The following GALNT18 variants were observed in gnomAD, a reference collection of about 807,000 sequenced individuals.
GALNT18 encodes the protein polypeptide N-acetylgalactosaminyltransferase 18, also known as GalNAc-transferase 18.
A neutral mutation model predicts 69.5 loss-of-function variants in GALNT18; 44 were observed. The observed-to-expected ratio is 0.63, with a 90% CI of 0.50 to 0.81. The LOEUF (loss-of-function observed/expected upper bound fraction) is 0.81, where lower values mean the gene tolerates loss of function less well. Among genes scored for constraint, GALNT18 ranks in the 40% least tolerant of loss-of-function variants. The pLI is 0.00. For missense variants in GALNT18, 715 were observed against 810.0 expected (o/e 0.88, Z 1.42); for synonymous variants, 364 against 318.2 (o/e 1.14, Z -1.53).
At chr11:11,478,833 G>A (rs1856459105) in intron 1 of GALNT18, among the ~76,000 whole-genome samples, 1 of 151,288 alleles carries the variant, frequency 6.6e-6, no homozygotes, top group South Asian at 2.1e-4. Flanking sequence ...TGGCCAACAG[G>A]AGGCACTGAA....
chr11:11,358,875 T>C (rs1427205244), intron 6 of GALNT18, among the ~76,000 whole-genome samples: 2 of 94,484 alleles, frequency 2.1e-5, no homozygotes, highest in Non-Finnish European at 4.9e-5. Flanking sequence ...ACAGACATGT[T>C]ATCCCAAGCT....
rs1468227393 is a variant in GALNT18 at position 11,563,677 on chromosome 11, T to C, written c.235+57682A>G. 6.6e-6 allele frequency among the ~76,000 whole-genome samples: 1 copy of C among 152,162 alleles called. No individual in the cohort carries two copies. The highest frequency in any genetic ancestry group is 1.5e-5 in the Non-Finnish European group (1 of 68,030). On this transcript the variant is annotated intron_variant, in intron 1 of 10. Coordinates refer to ENST00000227756, the MANE Select transcript of GALNT18 (RefSeq NM_198516.3). The surrounding 1 kb of genome is among the most constrained non-coding windows in gnomAD (Gnocchi z 4.6). The stretch of plus-strand genomic sequence containing the variant: ...TGGTGGGGGCCCCACAGCCGGCAAG[T>C]GGGATTCAAACCCAGGCTTCCCAAC...
intron 9 of GALNT18, among the ~76,000 whole-genome samples, chr11:11,322,212 A>G (rs962463056): frequency 2.5e-4 from 38 of 152,244 alleles, no homozygotes; most frequent in Non-Finnish European, 2.2e-4. Context: ...ATAGGCTTAG[A>G]TTTTAAAACC....
At chr11:11,550,433 G>T (rs1565007138) in intron 1 of GALNT18, among the ~76,000 whole-genome samples, 1 of 152,210 alleles carries the variant, frequency 6.6e-6, no homozygotes, top group Non-Finnish European at 1.5e-5. Flanking sequence ...CAATCCTTGT[G>T]CCATGTGAGG....
At chr11:11,295,565 C>T (rs764949076) in intron 9 of GALNT18, among the ~76,000 whole-genome samples, 1 of 152,126 alleles carries the variant, frequency 6.6e-6, no homozygotes, top group African/African-American at 2.4e-5. Flanking sequence ...CTAGGTCAGG[C>T]CACTGGCAGA....
At chr11:11,319,521 G>C (rs56275912) in intron 9 of GALNT18, among the ~76,000 whole-genome samples, 4,185 of 152,246 alleles carry the variant, frequency 0.027, 207 homozygotes, top group African/African-American at 0.095. Context: ...TCATGTGAAG[G>C]GTGGAGTTAT....
intron 1 of GALNT18, among the ~76,000 whole-genome samples, chr11:11,589,505 T>C (rs1358131917): frequency 6.6e-6 from 1 of 152,206 alleles, no homozygotes; most frequent in African/African-American, 2.4e-5. Flanking sequence ...GCTCCCCTTT[T>C]GCTGTTCAGC....
In GALNT18 at chr11:11,573,321, G is replaced by A. The variant is rs186065038; in HGVS notation, c.235+48038C>T. ...CGCAGCATCACAGTGCCTGTGGGAA[G>A]GCTGGGCAGACTGAAATAAAAGGGA... On this transcript the variant is annotated intron_variant, in intron 1 of 10. Coordinates refer to ENST00000227756, the MANE Select transcript of GALNT18 (RefSeq NM_198516.3). This position sits in a 1 kb window ranked among gnomAD's most constrained non-coding sequence, Gnocchi z 4.6. Among the ~76,000 whole-genome samples the A allele has an allele frequency of 5.3e-5, 8 of 152,292 alleles. No individual in the cohort carries two copies. The highest frequency in any genetic ancestry group is 5.2e-4 in the Admixed American group (8 of 15,302).
At chr11:11,429,373 C>A (rs1023167016) in intron 3 of GALNT18, among the ~76,000 whole-genome samples, 2 of 152,232 alleles carry the variant, frequency 1.3e-5, no homozygotes, top group Non-Finnish European at 2.9e-5. Flanking sequence ...ACTTTCGGTT[C>A]TTTCCTCTGC....
chr11:11,561,519 G>C (rs904295423), intron 1 of GALNT18, among the ~76,000 whole-genome samples: 1 of 152,202 alleles, frequency 6.6e-6, no homozygotes, highest in Non-Finnish European at 1.5e-5. Flanking sequence ...AAGGATTGTG[G>C]TAAGGATTGA....
chr11:11,351,749 G>C (rs1476340489), intron 6 of GALNT18, among the ~76,000 whole-genome samples: 2 of 80,162 alleles, frequency 2.5e-5, no homozygotes, highest in Non-Finnish European at 5.1e-5. Flanking sequence ...TAGGGATTTG[G>C]GGAGCAATTT....
At chr11:11,370,065 A>G (rs544684634) in intron 6 of GALNT18, among the ~76,000 whole-genome samples, 48 of 141,084 alleles carry the variant, frequency 3.4e-4, no homozygotes, top group African/African-American at 1.3e-3. Context: ...CTAATTTCAC[A>G]GTATCTTATG....
In GALNT18 at chr11:11,415,529, T is replaced by C. The variant is rs1199335148; in HGVS notation, c.595+17092A>G. Reference sequence around the variant, plus strand: ...AAAACAAAAAGAGTCTAGTGGGAAATATGAGAAAGGAGAGGAGAGCCATAT... The same window carrying C: ...AAAACAAAAAGAGTCTAGTGGGAAACATGAGAAAGGAGAGGAGAGCCATAT... On this transcript the variant is annotated intron_variant, in intron 3 of 10. Coordinates refer to ENST00000227756, the MANE Select transcript of GALNT18 (RefSeq NM_198516.3). This position sits in a 1 kb window ranked among gnomAD's most constrained non-coding sequence, Gnocchi z 4.1. Among the ~76,000 whole-genome samples the C allele has an allele frequency of 6.6e-6, 1 of 151,848 alleles. No individual in the cohort carries two copies. Among genetic ancestry groups the C allele is most frequent in the Non-Finnish European group, 1.5e-5 (1 of 67,988 alleles).
At chr11:11,295,219 G>C (rs543088111) in intron 9 of GALNT18, among the ~76,000 whole-genome samples, 1 of 152,104 alleles carries the variant, frequency 6.6e-6, no homozygotes, top group African/African-American at 2.4e-5. Context: ...GGCAGGCAGG[G>C]TGTTCCCTTT....
In GALNT18 at chr11:11,573,165, G is replaced by A. The variant is rs760257055; in HGVS notation, c.235+48194C>T. ...AAACCCTGCCTTTCTGAACTACAGC[G>A]CCCCTCCAGAGAGCATGTTCATGTT... On this transcript the variant is annotated intron_variant, in intron 1 of 10. Transcript: ENST00000227756. This position sits in a 1 kb window ranked among gnomAD's most constrained non-coding sequence, Gnocchi z 4.6. Among the ~76,000 whole-genome samples, 9 of 152,110 alleles carry A rather than the reference G, an allele frequency of 5.9e-5. No individual in the cohort carries two copies. Among genetic ancestry groups the A allele is most frequent in the Non-Finnish European group, 1.0e-4 (7 of 68,028 alleles).
chr11:11,579,080 C>CAGCA (rs926587358), intron 1 of GALNT18, among the ~76,000 whole-genome samples: 17 of 152,222 alleles, frequency 1.1e-4, no homozygotes, highest in African/African-American at 4.1e-4. Flanking sequence ...TCCCAGCCAG[C>CAGCA]AGCACCCCAG....
In GALNT18 at chr11:11,404,199, C is replaced by T. The variant is rs115055853; in HGVS notation, c.596-24935G>A. On this transcript the variant is annotated intron_variant, in intron 3 of 10. Coordinates refer to ENST00000227756, the MANE Select transcript of GALNT18 (RefSeq NM_198516.3). The surrounding 1 kb of genome is among the most constrained non-coding windows in gnomAD (Gnocchi z 4.5). ...GTGTCTAGGGGAGTTCATGCGTGCA[C>T]GGCATGGAGCCAATTATCGCTGCTC... 3.2e-3 allele frequency among the ~76,000 whole-genome samples: 490 copies of T among 152,306 alleles called. 5 individuals are homozygous for T. The highest frequency in any genetic ancestry group is 6.8e-3 in the Middle Eastern group (2 of 294).
At chr11:11,509,625 C>T (rs117109989) in intron 1 of GALNT18, among the ~76,000 whole-genome samples, 5 of 152,338 alleles carry the variant, frequency 3.3e-5, no homozygotes, top group Non-Finnish European at 4.4e-5. Flanking sequence ...CCTTTGAAGA[C>T]GGAATGACTT....
At chr11:11,357,505 A>T (rs1564908858) in intron 6 of GALNT18, among the ~76,000 whole-genome samples, 1 of 152,168 alleles carries the variant, frequency 6.6e-6, no homozygotes, top group Non-Finnish European at 1.5e-5. Context: ...TCTGTCTTCT[A>T]TCACTTCCCC....
Sources: gnomAD v4.1 joint callset for allele counts (sites outside exome capture counted in the v4.1 genomes callset) on GRCh38, gnomAD v4.1.1 for gene constraint, Gnocchi (gnomAD v3.1) non-coding constraint, MANE v1.5 for transcripts, NCBI Gene and HGNC (gene_info 2026-07-23, HGNC 2026-07-21) for gene names.